PTPRG: variants seen among roughly 807,000 people sequenced by gnomAD.
PTPRG encodes receptor-type tyrosine-protein phosphatase gamma.
A neutral mutation model predicts 165.3 loss-of-function variants in PTPRG; 102 were observed. That is an observed-to-expected ratio of 0.62 (90% confidence interval 0.53 to 0.73). PTPRG has a LOEUF of 0.73. Among genes scored for constraint, PTPRG ranks in the 30% least tolerant of loss-of-function variants. The pLI, the probability that PTPRG is intolerant of heterozygous loss-of-function variation, is 0.00. For missense variants in PTPRG, 1,866 were observed against 1,861.4 expected, an observed-to-expected ratio of 1.00 and a Z score of -0.05; for synonymous variants, 675 against 669.5, an observed-to-expected ratio of 1.01 and a Z score of -0.13.
chr3:62,091,262 A>G (rs1281893373), intron 5 of PTPRG, among the ~76,000 whole-genome samples: 1 of 152,218 alleles, frequency 6.6e-6, no homozygotes, highest in East Asian at 1.9e-4. Context: ...GCTGTGAGAC[A>G]AAGTCTTAAC....
At chr3:61,595,273 G>A (rs1277205275) in intron 1 of PTPRG, among the ~76,000 whole-genome samples, 4 of 149,748 alleles carry the variant, frequency 2.7e-5, no homozygotes, top group Non-Finnish European at 4.4e-5. Context: ...CTAGGTGCTA[G>A]TACATATTAA....
At chr3:61,825,514 G>T (rs1365689271) in intron 2 of PTPRG, among the ~76,000 whole-genome samples, 1 of 152,142 alleles carries the variant, frequency 6.6e-6, no homozygotes, top group Non-Finnish European at 1.5e-5. Context: ...TTTAAAAGCT[G>T]AACTAGCAGT....
chr3:62,065,180 C>T (rs1436903931), intron 4 of PTPRG, among the ~76,000 whole-genome samples: 1 of 152,124 alleles, frequency 6.6e-6, no homozygotes, highest in Admixed American at 6.6e-5. Context: ...GTAATCTTTT[C>T]AGGGGATGGT....
intron 1 of PTPRG, among the ~76,000 whole-genome samples, chr3:61,586,570 A>G (rs1246406469): frequency 2.0e-5 from 3 of 152,306 alleles, no homozygotes; most frequent in South Asian, 2.1e-4. Flanking sequence ...CAGGGCCAAC[A>G]TTACTGAAAA....
At chr3:62,264,866 C>G (rs1701814336) in intron 17 of PTPRG, among the ~76,000 whole-genome samples, 1 of 151,676 alleles carries the variant, frequency 6.6e-6, no homozygotes, top group African/African-American at 2.4e-5. Context: ...GAGGAACTAT[C>G]AAACTCTTTT....
At chr3:62,148,067 A>T (rs1027995947) in intron 6 of PTPRG, among the ~76,000 whole-genome samples, 6 of 152,002 alleles carry the variant, frequency 3.9e-5, no homozygotes, top group Admixed American at 1.3e-4. Flanking sequence ...AATCACTTCA[A>T]CCCGGGAGGT....
At chr3:61,666,476 T>A (rs1390234839) in intron 1 of PTPRG, among the ~76,000 whole-genome samples, 1 of 152,190 alleles carries the variant, frequency 6.6e-6, no homozygotes, top group African/African-American at 2.4e-5. Flanking sequence ...CTAGGGGACT[T>A]GGAGCAGGCA....
At chr3:61,888,616 C>T (rs189078167) in intron 2 of PTPRG, among the ~76,000 whole-genome samples, 15 of 152,280 alleles carry the variant, frequency 9.9e-5, no homozygotes, top group Admixed American at 9.2e-4. Flanking sequence ...CACGCTTGAG[C>T]CACAGTACCC....
intron 1 of PTPRG, among the ~76,000 whole-genome samples, chr3:61,732,979 A>C (rs2032574202): frequency 6.6e-6 from 1 of 152,110 alleles, no homozygotes; most frequent in African/African-American, 2.4e-5. Context: ...GCCTTGTAAT[A>C]ATTTTCAGGA....
chr3:62,083,397 G>A (rs1386745102), intron 5 of PTPRG, among the ~76,000 whole-genome samples: 1 of 151,972 alleles, frequency 6.6e-6, no homozygotes, highest in Non-Finnish European at 1.5e-5. Flanking sequence ...CACCGTGCCC[G>A]GCTTTGCCAT....
chr3:62,073,006 A>G (rs1406047928), intron 4 of PTPRG, among the ~76,000 whole-genome samples: 2 of 152,204 alleles, frequency 1.3e-5, no homozygotes, highest in East Asian at 1.9e-4. Flanking sequence ...GCAGAGTGAC[A>G]GGGAAATAGT....
At chr3:61,871,851 C>A (rs575839767) in intron 2 of PTPRG, among the ~76,000 whole-genome samples, 205 of 152,266 alleles carry the variant, frequency 1.3e-3, no homozygotes, top group African/African-American at 4.6e-3. Flanking sequence ...CTCCCTCTCT[C>A]TTTCTTAGTG....
At chr3:61,894,591 T>C (rs2038301891) in intron 2 of PTPRG, among the ~76,000 whole-genome samples, 1 of 152,196 alleles carries the variant, frequency 6.6e-6, no homozygotes, top group Non-Finnish European at 1.5e-5. Flanking sequence ...AATTCCCCTT[T>C]ACAGATAATA....
In PTPRG at chr3:61,699,973, T is replaced by C. The variant is rs547151133; in HGVS notation, c.86-48905T>C. ...AGGGTTTTCAAGAACAAATATTTCC[T>C]ACTTAAGTTTTGAGGGCCCTTCAAG... On this transcript the variant is annotated intron_variant, in intron 1 of 29. Coordinates refer to ENST00000474889, the MANE Select transcript of PTPRG (RefSeq NM_002841.4). Among the ~76,000 whole-genome samples the C allele has an allele frequency of 2.8e-4, 42 of 152,320 alleles. 1 individual carries two copies. The highest frequency in any genetic ancestry group is 1.2e-3 in the East Asian group (6 of 5,180).
chr3:62,066,788 C>T (rs1346147259), intron 4 of PTPRG, among the ~76,000 whole-genome samples: 1 of 152,200 alleles, frequency 6.6e-6, no homozygotes, highest in African/African-American at 2.4e-5. Flanking sequence ...GCCTGTAATC[C>T]CAGCACTTTG....
Position 61,745,051 on chromosome 3 carries a change from C to CTTTTTT in PTPRG, c.86-3814_86-3809dup, listed in dbSNP as rs10669472. ...TTTCATGTGTTCATTCATTCCCTCACTTTTTTTTTTTTTTTTTTGAGACGG... is the reference window on the plus strand; with the variant it reads ...TTTCATGTGTTCATTCATTCCCTCACTTTTTTTTTTTTTTTTTTTTTTTTGAGACGG... On this transcript the variant is annotated intron_variant, in intron 1 of 29. Transcript: ENST00000474889. Among the ~76,000 whole-genome samples the CTTTTTT allele has an allele frequency of 9.3e-3, 1,037 of 111,558 alleles. 85 individuals carry two copies. The highest frequency in any genetic ancestry group is 0.033 in the African/African-American group (957 of 29,386). 73.2% of individuals were successfully genotyped at this position (111,558 alleles called of 152,430 possible).
At chr3:62,124,684 G>C (rs1330124861) in intron 5 of PTPRG, 3 of 662,674 alleles carry the variant, frequency 4.5e-6, no homozygotes, top group Non-Finnish European at 7.8e-6. Flanking sequence ...CGCCTGCTGA[G>C]CTAGCTGCGC....
At chr3:62,055,333 G>A (rs145847350) in intron 4 of PTPRG, among the ~76,000 whole-genome samples, 1,666 of 152,238 alleles carry the variant, frequency 0.011, 26 homozygotes, top group Middle Eastern at 0.027. Context: ...CAGAAATATC[G>A]CTAATAAGGC....
chr3:62,044,327 T>C (rs190843843), intron 4 of PTPRG, among the ~76,000 whole-genome samples: 270 of 152,128 alleles, frequency 1.8e-3, no homozygotes, highest in African/African-American at 6.3e-3. Context: ...TCATCTGAGG[T>C]CAGAAGTTCA....
Sources: gnomAD v4.1 joint callset for allele counts (sites outside exome capture counted in the v4.1 genomes callset) on GRCh38, gnomAD v4.1.1 for gene constraint, MANE v1.5 for transcripts, NCBI Gene and HGNC (gene_info 2026-07-23, HGNC 2026-07-21) for gene names.